TRIM9: variants seen among roughly 807,000 people sequenced by gnomAD.
TRIM9 encodes tripartite motif containing 9, also known as E3 ubiquitin-protein ligase TRIM9.
TRIM9 carries 26 observed loss-of-function variants against 78.3 expected under a neutral mutation model. The ratio of observed to expected loss-of-function variants is 0.33; its 90% confidence interval spans 0.24 to 0.46. The LOEUF is 0.46. TRIM9 is among the 20% of genes least tolerant of loss of function. The pLI is 1.00. For missense variants in TRIM9, 787 were observed against 1,036.4 expected (o/e 0.76, Z 3.30); for synonymous variants, 398 against 416.5 (o/e 0.96, Z 0.54).
intron 1 of TRIM9, among the ~76,000 whole-genome samples, chr14:51,078,542 C>A (rs1566643781): frequency 6.6e-6 from 1 of 152,078 alleles, no homozygotes; most frequent in African/African-American, 2.4e-5. Context: ...GAAGATCCTG[C>A]CACTTGCCAC....
At chr14:51,039,985 G>A (rs1048098861) in intron 1 of TRIM9, among the ~76,000 whole-genome samples, 4 of 152,046 alleles carry the variant, frequency 2.6e-5, no homozygotes, top group Admixed American at 6.6e-5. Context: ...GGGTTTCACC[G>A]TGTTAGCCAG....
chr14:51,054,837 C>A (rs1489043191), intron 1 of TRIM9, among the ~76,000 whole-genome samples: 2 of 150,966 alleles, frequency 1.3e-5, no homozygotes, highest in Non-Finnish European at 2.9e-5. Context: ...CTGTGCCTGG[C>A]CTCTTTTTTT....
At chr14:51,090,174 T>G (rs1220925872) in intron 1 of TRIM9, 1 of 152,236 alleles carries the variant, frequency 6.6e-6, no homozygotes, top group African/African-American at 2.4e-5. Flanking sequence ...GCACACAGAA[T>G]GTTCTAATTG....
chr14:51,034,770 T>C (rs1018507485), intron 1 of TRIM9, among the ~76,000 whole-genome samples: 7 of 152,224 alleles, frequency 4.6e-5, no homozygotes, highest in African/African-American at 1.7e-4. Flanking sequence ...TAGCATGGAT[T>C]CTGGCCCCAA....
chr14:50,980,720 C>T (rs2051765176), intron 11 of TRIM9, among the ~76,000 whole-genome samples: 1 of 152,192 alleles, frequency 6.6e-6, no homozygotes, highest in South Asian at 2.1e-4. Context: ...CACAAAATGC[C>T]GATCACTGAA....
intron 5 of TRIM9, among the ~76,000 whole-genome samples, chr14:51,008,004 C>T (rs1201325946): frequency 6.6e-6 from 1 of 152,100 alleles, no homozygotes; most frequent in African/African-American, 2.4e-5. Flanking sequence ...CCTTTTAAAG[C>T]ACTGAATGCT....
intron 3 of TRIM9, among the ~76,000 whole-genome samples, chr14:51,021,381 C>T (rs2057747057): frequency 6.6e-6 from 1 of 152,244 alleles, no homozygotes; most frequent in Non-Finnish European, 1.5e-5. Flanking sequence ...TTGAGGTACT[C>T]TGTGACCGTT....
At chr14:51,022,781 C>T (rs2057880744) in intron 3 of TRIM9, 54 bp downstream of exon 3, 2 of 1,607,262 alleles carry the variant, frequency 1.2e-6, no homozygotes, top group East Asian at 4.5e-5. Flanking sequence ...TCCATCATGC[C>T]CCTCGGGAGC....
intron 1 of TRIM9, among the ~76,000 whole-genome samples, chr14:51,040,531 C>T (rs1288058903): frequency 6.6e-6 from 1 of 152,164 alleles, no homozygotes; most frequent in Non-Finnish European, 1.5e-5. Flanking sequence ...TGACTGGAGC[C>T]CTGGAGTGAG....
At chr14:51,070,516 ATTT>A (rs199920531) in intron 1 of TRIM9, among the ~76,000 whole-genome samples, 2 of 144,232 alleles carry the variant, frequency 1.4e-5, no homozygotes, top group African/African-American at 5.1e-5. Flanking sequence ...AGTGTTTCAG[ATTT>A]TTTTTTTTTT....
intron 5 of TRIM9, among the ~76,000 whole-genome samples, chr14:51,005,316 T>G (rs563008693): frequency 6.6e-6 from 1 of 152,118 alleles, no homozygotes; most frequent in East Asian, 1.9e-4. Context: ...CTTGAGTCAA[T>G]AAAAATAAAT....
At chr14:51,016,090 C>T (rs2057157827) in intron 3 of TRIM9, among the ~76,000 whole-genome samples, 1 of 152,114 alleles carries the variant, frequency 6.6e-6, no homozygotes, top group Non-Finnish European at 1.5e-5. Flanking sequence ...TGCTCAAGTC[C>T]CTGATATAAA....
intron 1 of TRIM9, among the ~76,000 whole-genome samples, chr14:51,058,731 C>G (rs935579294): frequency 6.6e-6 from 1 of 152,164 alleles, no homozygotes; most frequent in African/African-American, 2.4e-5. Context: ...ATTTCTATTA[C>G]GTTTAAGCCC....
intron 1 of TRIM9, among the ~76,000 whole-genome samples, chr14:51,051,350 G>T (rs1328994944): frequency 6.6e-6 from 1 of 152,166 alleles, no homozygotes; most frequent in African/African-American, 2.4e-5. Context: ...AGAAGCAGGA[G>T]CAGTTATTCT....
intron 1 of TRIM9, among the ~76,000 whole-genome samples, chr14:51,031,790 G>A (rs1462288864): frequency 6.6e-6 from 1 of 152,206 alleles, no homozygotes; most frequent in East Asian, 1.9e-4. Context: ...CAATCTCTGG[G>A]CAATGAGCTG....
chr14:51,024,260 G>A (rs1477938422), intron 2 of TRIM9, among the ~76,000 whole-genome samples: 1 of 152,156 alleles, frequency 6.6e-6, no homozygotes, highest in Non-Finnish European at 1.5e-5. Context: ...CACATTTTAT[G>A]CCAGCAGAGT....
chr14:51,045,543 C>A (rs1312892770), intron 1 of TRIM9, among the ~76,000 whole-genome samples: 1 of 152,158 alleles, frequency 6.6e-6, no homozygotes, highest in Non-Finnish European at 1.5e-5. Context: ...CCTGGAAGGT[C>A]CCTTCCAACT....
chr14:51,022,094 T>G (rs1297209401), intron 3 of TRIM9, among the ~76,000 whole-genome samples: 1 of 152,264 alleles, frequency 6.6e-6, no homozygotes, highest in Non-Finnish European at 1.5e-5. Flanking sequence ...TAGCACTTTT[T>G]ACTAATATAC....
At chr14:50,993,169 G>A (rs1006730382) in intron 7 of TRIM9, among the ~76,000 whole-genome samples, 3 of 152,120 alleles carry the variant, frequency 2.0e-5, no homozygotes, top group Non-Finnish European at 2.9e-5. Flanking sequence ...GTCACTGCCA[G>A]CCAAGAGTAT....
Sources: gnomAD v4.1 joint callset for allele counts (sites outside exome capture counted in the v4.1 genomes callset) on GRCh38, gnomAD v4.1.1 for gene constraint, MANE v1.5 for transcripts, NCBI Gene and HGNC (gene_info 2026-07-23, HGNC 2026-07-21) for gene names.